The following CHAC2 variants were observed in gnomAD, a reference collection of about 807,000 sequenced individuals.
CHAC2 encodes the protein ChaC glutathione specific gamma-glutamylcyclotransferase 2.
Under a neutral mutation model 16.9 loss-of-function variants are expected in CHAC2, and 20 were observed. The observed-to-expected ratio is 1.18, with a 90% CI of 0.83 to 1.72. CHAC2 has a LOEUF of 1.72. Among genes scored for constraint, CHAC2 ranks in the 40% most tolerant of loss-of-function variants. The pLI, the probability that CHAC2 is intolerant of heterozygous loss-of-function variation, is 0.00. For synonymous variants in CHAC2, 91 were observed against 77.3 expected, an observed-to-expected ratio of 1.18 and a Z score of -0.93; for missense variants, 269 against 222.2, an observed-to-expected ratio of 1.21 and a Z score of -1.34.
intron 1 of CHAC2, among the ~76,000 whole-genome samples, chr2:53,769,362 C>T (rs1182912487): frequency 1.3e-5 from 2 of 152,132 alleles, no homozygotes; most frequent in Admixed American, 1.3e-4. Context: ...GAAAAGAAAA[C>T]CTTTAGCCCA....
chr2:53,768,256 G>A (rs1179317290), intron 1 of CHAC2: 3 of 480,738 alleles, frequency 6.2e-6, no homozygotes, highest in Non-Finnish European at 1.1e-5. Context: ...TAGAGACGGC[G>A]AGAAGCGCGG....
rs1387812453 is a variant in CHAC2 at position 53,771,825 on chromosome 2, C to T, written c.136-82C>T. The stretch of plus-strand genomic sequence containing the variant: ...ATGAGCAAATATAATTCAAATATTC[C>T]ATGTCAAAAATGTTGCTAATGCTCA... On this transcript the variant is annotated intron_variant, in intron 1 of 2. Transcript: ENST00000295304. The T allele has an allele frequency of 5.2e-6, 4 of 771,134 alleles. No homozygotes were observed. The East Asian group carries it at 1.0e-4, about 19-fold the overall frequency. 47.8% of individuals were successfully genotyped at this position (771,134 alleles called of 1,614,324 possible). A position where few individuals can be genotyped will look rare whatever the true frequency, so the allele number is the denominator to read the frequency against.
intron 2 of CHAC2, 100 bp from the exon 3 acceptor site, chr2:53,774,042 A>G (rs893805311): frequency 1.5e-6 from 2 of 1,291,612 alleles, no homozygotes; most frequent in South Asian, 1.5e-5. Context: ...TCAAAAACAA[A>G]CAGAAAAGAA....
intron 1 of CHAC2, 93 bp from the exon 2 acceptor site, chr2:53,771,814 T>C: frequency 1.3e-6 from 1 of 763,188 alleles, no homozygotes; most frequent in Non-Finnish European, 2.3e-6. Context: ...GCAAATATAA[T>C]TCAAATATTC....
chr2:53,771,958 T>A lies in CHAC2; in HGVS notation c.171+16T>A. ...AGATCCTGCGGTATGGTATAAATATTCTTTTTTGTATAATTTTAATTTTAT... is the reference window on the plus strand; with the variant it reads ...AGATCCTGCGGTATGGTATAAATATACTTTTTTGTATAATTTTAATTTTAT... On this transcript the variant is annotated intron_variant, in intron 2 of 2. Transcript: ENST00000295304. The A allele has an allele frequency of 7.2e-7, 1 of 1,396,736 alleles. No homozygotes were observed. Among genetic ancestry groups the A allele is most frequent in the Non-Finnish European group, 9.8e-7 (1 of 1,020,790 alleles). The allele number at this position is 1,396,736 out of a possible 1,614,324, so 86.5% of individuals were successfully genotyped here. A position where few individuals can be genotyped will look rare whatever the true frequency, so the allele number is the denominator to read the frequency against.
Position 53,774,333 on chromosome 2 carries a change from T to G in CHAC2, c.363T>G (p.Pro121=), listed in dbSNP as rs770696784. The change falls in exon 3 of 3, where the codon CCT becomes CCG. Residue 121 remains proline, a synonymous_variant. Coordinates refer to ENST00000295304, the MANE Select transcript of CHAC2 (RefSeq NM_001008708.4). ...GTCDNPDYLG[P]APLEDIAEQI... is the part of the protein sequence containing the mutation. ...GTGATAATCCTGATTATCTTGGTCC[T>G]GCACCTCTGGAAGACATTGCTGAAC... is the stretch of plus-strand genomic sequence containing the variant. 6.2e-7 allele frequency: 1 copy of G among 1,613,642 alleles called. No individual in the cohort carries two copies. The highest frequency in any genetic ancestry group is 1.7e-5 in the Admixed American group (1 of 59,900).
chr2:53,773,989 C>T (rs949183212), intron 2 of CHAC2, among the ~76,000 whole-genome samples, 153 bp from the exon 3 acceptor site: 7 of 152,096 alleles, frequency 4.6e-5, no homozygotes, highest in Admixed American at 2.0e-4. Context: ...AGGCCACGAT[C>T]GTGCCACTGC....
At position 53,768,006 on chromosome 2, in the gene CHAC2, C is replaced by A; in HGVS notation, c.120C>A (p.Arg40=). The A allele has an allele frequency of 6.2e-7, 1 of 1,613,624 alleles. No homozygotes were observed. Among genetic ancestry groups the A allele is most frequent in the Non-Finnish European group, 8.5e-7 (1 of 1,179,954 alleles). The change falls in exon 1 of 3, where the codon CGC becomes CGA. Residue 40 remains arginine (R), a synonymous_variant. Transcript: ENST00000295304. Reference sequence around the variant, plus strand: ...TCTGGCAGGGCAGCACGGACCACCGCGGGGTCCCCGGCAAGGTGAGGCGCC... The same window carrying A: ...TCTGGCAGGGCAGCACGGACCACCGAGGGGTCCCCGGCAAGGTGAGGCGCC... ...RRFWQGSTDH[R]GVPGKPGRVV... is the part of the protein sequence containing the mutation.
chr2:53,772,207 C>T (rs995293423), intron 2 of CHAC2, among the ~76,000 whole-genome samples: 6 of 152,074 alleles, frequency 3.9e-5, no homozygotes, highest in Non-Finnish European at 7.4e-5. Flanking sequence ...CAGAGTCTAG[C>T]TCTGTCGCCC....
Position 53,767,846 on chromosome 2 carries a change from G to C in CHAC2, c.-41G>C, listed in dbSNP as rs375387693. 3 of 1,575,288 alleles carry C rather than the reference G, an allele frequency of 1.9e-6. No homozygotes were observed. The highest frequency in any genetic ancestry group is 2.7e-5 in the African/African-American group (2 of 74,396). On this transcript the variant is annotated 5_prime_UTR_variant, in exon 1 of 3. Transcript: ENST00000295304. Reference sequence around the variant, plus strand: ...TTCAGTCCCCGGCGGCGCGGCGACAGCTAGGGTTCACGGCCACTGGGGCAG... The same window carrying C: ...TTCAGTCCCCGGCGGCGCGGCGACACCTAGGGTTCACGGCCACTGGGGCAG...
intron 2 of CHAC2, 136 bp downstream of exon 2, chr2:53,772,078 T>G (rs142762237): frequency 5.4e-4 from 305 of 566,906 alleles, no homozygotes; most frequent in African/African-American, 2.1e-3. Context: ...TATTTGTGGG[T>G]TTTTTTTGTG....
intron 2 of CHAC2, among the ~76,000 whole-genome samples, chr2:53,773,388 G>A (rs563421350): frequency 2.0e-5 from 3 of 151,150 alleles, no homozygotes; most frequent in South Asian, 4.1e-4. Flanking sequence ...TGTTTAGTAT[G>A]TTCTTCTGTG....
At chr2:53,771,423 G>A (rs957922696) in intron 1 of CHAC2, among the ~76,000 whole-genome samples, 1 of 152,150 alleles carries the variant, frequency 6.6e-6, no homozygotes, top group Non-Finnish European at 1.5e-5. Context: ...TGAGGTGAGA[G>A]AATTGCTTGA....
rs1459907341 is a variant in CHAC2 at position 53,774,146 on chromosome 2, G to A, written c.176G>A (p.Cys59Tyr). 4 of 1,596,116 alleles carry A rather than the reference G, an allele frequency of 2.5e-6. No individual in the cohort carries two copies. Among genetic ancestry groups the A allele is most frequent in the South Asian group, 2.3e-5 (2 of 87,576 alleles). ...ATTCTTTTCATTTTTCAACAGGGAT[G>A]TGTATGGGGTGTTGCTTACAGATTG... The part of the protein sequence containing the change: ...VVTLVEDPAG[C>Y]VWGVAYRLPV... Residue 59 changes from cysteine (C) to tyrosine (Y), a missense_variant, in exon 3 of 3, where the codon TGT becomes TAT. Physicochemically the swap from Cys to Tyr is radical, Grantham distance 194 (BLOSUM62 -2). Transcript: ENST00000295304.
In CHAC2 at chr2:53,771,934, G is replaced by A; in HGVS notation, c.163G>A (p.Asp55Asn). ...TGGAAGAGTTGTGACTCTTGTTGAA[G>A]ATCCTGCGGTATGGTATAAATATTC... ...KPGRVVTLVEDPAGCVWGVAY... is the reference protein window; with the variant it reads ...KPGRVVTLVENPAGCVWGVAY... The change falls in exon 2 of 3, where the codon GAT becomes AAT. Residue 55 changes from aspartate (D) to asparagine (N), a missense_variant. Asp to Asn is a conservative substitution (Grantham distance 23). Transcript: ENST00000295304. 1 of 1,556,430 alleles carries A rather than the reference G, an allele frequency of 6.4e-7. No homozygotes were observed. Among genetic ancestry groups the A allele is most frequent in the Non-Finnish European group, 8.7e-7 (1 of 1,144,434 alleles).
At position 53,774,203 on chromosome 2, in the gene CHAC2, A is replaced by G; in HGVS notation, c.233A>G (p.Tyr78Cys). 1 of 1,613,884 alleles carries G rather than the reference A, an allele frequency of 6.2e-7. No individual in the cohort carries two copies. The part of the protein sequence containing the change: ...PVGKEEEVKA[Y>C]LDFREKGGYR... ...GGAAAGGAAGAAGAAGTAAAAGCAT[A>G]CCTTGACTTCAGAGAAAAAGGAGGC... The change falls in exon 3 of 3, where the codon TAC becomes TGC. Residue 78 changes from tyrosine (Y) to cysteine (C), a missense_variant. Physicochemically the swap from Tyr to Cys is radical, Grantham distance 194 (BLOSUM62 -2). Transcript: ENST00000295304.
At chr2:53,772,039 A>G in intron 2 of CHAC2, 97 bp downstream of exon 2, 1 of 724,252 alleles carries the variant, frequency 1.4e-6, no homozygotes, top group Non-Finnish European at 2.3e-6. Flanking sequence ...AGACAATTTG[A>G]ACTACCCTAA....
chr2:53,774,099 A>G (rs528086890), intron 2 of CHAC2, 43 bp from the exon 3 acceptor site: 30 of 1,527,870 alleles, frequency 2.0e-5, no homozygotes, highest in Non-Finnish European at 2.5e-5. Flanking sequence ...ACCTATTTTA[A>G]TTAGCCTTAT....
chr2:53,767,801 G>C (rs1451283155), upstream of CHAC2: 14 of 1,512,982 alleles, frequency 9.3e-6, no homozygotes, highest in Admixed American at 6.3e-5. Flanking sequence ...CGCGCGGCCG[G>C]TTACTCGCTT....
Sources: allele counts gnomAD v4.1 joint callset (sites outside exome capture counted in the v4.1 genomes callset), GRCh38; gene constraint gnomAD v4.1.1; transcripts MANE v1.5; gene names NCBI Gene and HGNC (gene_info 2026-07-23, HGNC 2026-07-21).